The following SLC2A4 variants were observed in gnomAD, a reference collection of about 807,000 sequenced individuals.
The protein encoded by SLC2A4 is solute carrier family 2 member 4.
SLC2A4 carries 31 observed loss-of-function variants against 53.3 expected under a neutral mutation model. The observed-to-expected ratio is 0.58, with a 90% CI of 0.44 to 0.78. The LOEUF is 0.78. SLC2A4 is among the 30% of genes least tolerant of loss of function. The probability of loss-of-function intolerance (pLI) is 0.00; values close to 1 mark genes in which losing one functional copy is unlikely to be tolerated. For synonymous variants in SLC2A4, 276 were observed against 281.9 expected, an observed-to-expected ratio of 0.98 and a Z score of 0.21; for missense variants, 538 against 655.7, an observed-to-expected ratio of 0.82 and a Z score of 1.96.
At position 7,284,412 on chromosome 17, in the gene SLC2A4, C is replaced by T. The variant is rs1250913877; in HGVS notation, c.727+33C>T. 6.2e-7 allele frequency: 1 copy of T among 1,613,972 alleles called. No individual in the cohort carries two copies. The highest frequency in any genetic ancestry group is 8.5e-7 in the Non-Finnish European group (1 of 1,179,982). ...CTCCCGCTGCAGCCTGGCCCAGGCC[C>T]ATGCCTCCGCCTCATCTTGCTAGCA... On this transcript the variant is annotated intron_variant, in intron 6 of 10. Transcript: ENST00000317370. The surrounding 1 kb of genome is among the most constrained non-coding windows in gnomAD (Gnocchi z 7.5).
In SLC2A4 at chr17:7,285,251, CTG is replaced by C. The variant is rs2072439858; in HGVS notation, c.1122+65_1122+66del. ...CCCATGGGAATGGTCCTGTGAGTCT[CTG>C]TGACCAGCCAGGGTCCCTTCTTAAC... On this transcript the variant is annotated intron_variant, in intron 9 of 10. Transcript: ENST00000317370. This position sits in a 1 kb window ranked among gnomAD's most constrained non-coding sequence, Gnocchi z 6.0. 7.4e-7 allele frequency: 1 copy of C among 1,352,580 alleles called. No individual in the cohort carries two copies. Among genetic ancestry groups the C allele is most frequent in the African/African-American group, 1.4e-5 (1 of 70,070 alleles). 83.8% of individuals were successfully genotyped at this position (1,352,580 alleles called of 1,614,324 possible). A position where few individuals can be genotyped will look rare whatever the true frequency, so the allele number is the denominator to read the frequency against.
rs1355608078 is a variant in SLC2A4 at position 7,283,215 on chromosome 17, C to T, written c.34-30C>T. ...GGAAAAAAATCATGGTTCCATGTGA[C>T]ATGCTGTGTCTTTGTGTCTGCCTGT... On this transcript the variant is annotated intron_variant, in intron 1 of 10. Transcript: ENST00000317370. The surrounding 1 kb of genome is among the most constrained non-coding windows in gnomAD (Gnocchi z 5.8). 1.3e-5 allele frequency: 20 copies of T among 1,563,176 alleles called. No individual in the cohort carries two copies. Among genetic ancestry groups the T allele is most frequent in the South Asian group, 1.1e-4 (10 of 90,100 alleles).
rs749893456 is a variant in SLC2A4 at position 7,285,909 on chromosome 17, G to A, written c.1326+1G>A. The A allele has an allele frequency of 1.9e-6, 3 of 1,611,308 alleles. No individual in the cohort carries two copies. The highest frequency in any genetic ancestry group is 1.7e-5 in the Admixed American group (1 of 59,910). ...TGGCATGGGTTTCCAGTATGTTGCG[G>A]TAGGTCCCCCCGCCCCAGCCTCCCA... is the stretch of plus-strand genomic sequence containing the variant. On this transcript the variant is annotated splice_donor_variant, in intron 10 of 10. Coordinates refer to ENST00000317370, the MANE Select transcript of SLC2A4 (RefSeq NM_001042.3). LOFTEE classifies it high-confidence loss of function. This position sits in a 1 kb window ranked among gnomAD's most constrained non-coding sequence, Gnocchi z 6.0.
Position 7,283,524 on chromosome 17 carries a change from G to A in SLC2A4, c.202G>A (p.Gly68Arg), listed in dbSNP as rs1429679424. 7 of 1,613,864 alleles carry A rather than the reference G, an allele frequency of 4.3e-6. No individual in the cohort carries two copies. The highest frequency in any genetic ancestry group is 2.2e-5 in the East Asian group (1 of 44,888). Residue 68 changes from glycine (G) to arginine (R), a missense_variant, in exon 3 of 11, where the codon GGA (glycine) becomes AGA (arginine). Transcript: ENST00000317370. This position sits in a 1 kb window ranked among gnomAD's most constrained non-coding sequence, Gnocchi z 5.8. ...ETWLGRQGPE[G>R]PSSIPPGTLT... ...GTGGCTGGGGAGGCAGGGGCCTGAG[G>A]GACCCAGCTCCATCCCTCCAGGCAC...
Position 7,286,708 on chromosome 17 carries a change from C to T in SLC2A4, c.*79C>T. The T allele has an allele frequency of 8.1e-7, 1 of 1,227,676 alleles. No individual in the cohort carries two copies. 76.0% of individuals were successfully genotyped at this position (1,227,676 alleles called of 1,614,324 possible). A position where few individuals can be genotyped will look rare whatever the true frequency, so the allele number is the denominator to read the frequency against. On this transcript the variant is annotated 3_prime_UTR_variant, in exon 11 of 11. Transcript: ENST00000317370. The stretch of plus-strand genomic sequence containing the variant: ...TTCCTTTCCTCTGCAGCACTTTAAC[C>T]CTCTCTTCCCTATTATTTCCGGGTG...
rs1013973394 is a variant in SLC2A4, at chr17:7,282,462, C to T, written c.33+495C>T. 3 of 453,522 alleles carry T rather than the reference C, an allele frequency of 6.6e-6. No individual in the cohort carries two copies. The highest frequency in any genetic ancestry group is 3.1e-5 in the South Asian group (2 of 64,280). The allele number at this position is 453,522 out of a possible 1,614,324, so 28.1% of individuals were successfully genotyped here. ...GAGGGGCAGAGGGGACTGTCAGCCC[C>T]CCCTCCTCCAGCTCAGGTTTCCGCT... is the stretch of plus-strand genomic sequence containing the variant. On this transcript the variant is annotated intron_variant, in intron 1 of 10. Coordinates refer to ENST00000317370, the MANE Select transcript of SLC2A4 (RefSeq NM_001042.3). This position sits in a 1 kb window ranked among gnomAD's most constrained non-coding sequence, Gnocchi z 4.1.
rs2072439941 is a variant in SLC2A4, at chr17:7,285,263, AG to A, written c.1122+77del. ...GTCCTGTGAGTCTCTGTGACCAGCC[AG>A]GGTCCCTTCTTAACACACATGCTTT... On this transcript the variant is annotated intron_variant, in intron 9 of 10. Coordinates refer to ENST00000317370, the MANE Select transcript of SLC2A4 (RefSeq NM_001042.3). The surrounding 1 kb of genome is among the most constrained non-coding windows in gnomAD (Gnocchi z 6.0). 9 of 1,262,908 alleles carry A rather than the reference AG, an allele frequency of 7.1e-6. No homozygotes were observed. The highest frequency in any genetic ancestry group is 1.0e-5 in the Non-Finnish European group (9 of 892,810). 78.2% of individuals were successfully genotyped at this position (1,262,908 alleles called of 1,614,324 possible).
chr17:7,283,320 C>A lies in SLC2A4; in HGVS notation c.109C>A (p.Gln37Lys). 3 of 1,614,036 alleles carry A rather than the reference C, an allele frequency of 1.9e-6. No individual in the cohort carries two copies. Among genetic ancestry groups the A allele is most frequent in the Non-Finnish European group, 2.5e-6 (3 of 1,180,008 alleles). ...GTTCTCTGCGGTGCTTGGCTCCCTG[C>A]AGTTTGGGTACAACATTGGGGTCAT... ...AVFSAVLGSL[Q>K]FGYNIGVINA... Residue 37 changes from glutamine to lysine, a missense_variant, in exon 2 of 11, where the codon CAG becomes AAG. Physicochemically the swap from Gln to Lys is moderately conservative, Grantham distance 53 (BLOSUM62 1). Coordinates refer to ENST00000317370, the MANE Select transcript of SLC2A4 (RefSeq NM_001042.3). The surrounding 1 kb of genome is among the most constrained non-coding windows in gnomAD (Gnocchi z 5.8).
At position 7,287,780 on chromosome 17, in the gene SLC2A4, GT is replaced by G. The variant is rs2072464800; in HGVS notation, c.*1153del. On this transcript the variant is annotated 3_prime_UTR_variant, in exon 11 of 11. Coordinates refer to ENST00000317370, the MANE Select transcript of SLC2A4 (RefSeq NM_001042.3). ...GATTGAGAGAAGAAACCAAAGGTCG[GT>G]TGTACTAAATGTATATATATAGATA... 6.6e-6 allele frequency: 1 copy of G among 152,202 alleles called. No individual in the cohort carries two copies. The highest frequency in any genetic ancestry group is 2.4e-5 in the African/African-American group (1 of 41,432). 9.4% of individuals were successfully genotyped at this position (152,202 alleles called of 1,614,324 possible).
rs957399766 is a variant in SLC2A4, at chr17:7,282,682, C to G, written c.34-563C>G. Among the ~76,000 whole-genome samples, 2 of 152,240 alleles carry G rather than the reference C, an allele frequency of 1.3e-5. No homozygotes were observed. The highest frequency in any genetic ancestry group is 6.5e-5 in the Admixed American group (1 of 15,284). On this transcript the variant is annotated intron_variant, in intron 1 of 10. Transcript: ENST00000317370. The surrounding 1 kb of genome is among the most constrained non-coding windows in gnomAD (Gnocchi z 4.1). Reference sequence around the variant, plus strand: ...CCCCTAGATGACCGGGATGTCCTTTCTGGAACAGCACTTCTTGGTCCTGTT... The same window carrying G: ...CCCCTAGATGACCGGGATGTCCTTTGTGGAACAGCACTTCTTGGTCCTGTT...
rs2072408699 is a variant in SLC2A4 at position 7,282,261 on chromosome 17, C to T, written c.33+294C>T. On this transcript the variant is annotated intron_variant, in intron 1 of 10. Coordinates refer to ENST00000317370, the MANE Select transcript of SLC2A4 (RefSeq NM_001042.3). The surrounding 1 kb of genome is among the most constrained non-coding windows in gnomAD (Gnocchi z 4.1). ...GCGGCGCTCCGGAATCGGGGACACCCTGCCCTCGATCCGACTCGGGAAAGC... is the reference window on the plus strand; with the variant it reads ...GCGGCGCTCCGGAATCGGGGACACCTTGCCCTCGATCCGACTCGGGAAAGC... The T allele has an allele frequency of 5.1e-6, 3 of 594,014 alleles. No homozygotes were observed. Among genetic ancestry groups the T allele is most frequent in the Non-Finnish European group, 3.1e-6 (1 of 317,898 alleles). The allele number at this position is 594,014 out of a possible 1,614,324, so 36.8% of individuals were successfully genotyped here.
At chr17:7,286,174 A>T in intron 10 of SLC2A4, 1 of 627,008 alleles carries the variant, frequency 1.6e-6, no homozygotes, top group Non-Finnish European at 2.8e-6. Context: ...TACTACAAAC[A>T]GCTGGGACTC....
intron 1 of SLC2A4, 22 bp downstream of exon 1, chr17:7,281,989 C>T (rs754665642): frequency 2.8e-5 from 6 of 215,506 alleles, no homozygotes; most frequent in South Asian, 7.9e-5. Context: ...CATGAGGGGG[C>T]GGGGCGGGGG....
rs1314193245 is a variant in SLC2A4, at chr17:7,287,700, G to C, written c.*1071G>C. 6.6e-6 allele frequency: 1 copy of C among 152,240 alleles called. No homozygotes were observed. The highest frequency in any genetic ancestry group is 1.5e-5 in the Non-Finnish European group (1 of 68,060). The allele number at this position is 152,240 out of a possible 1,614,324, so 9.4% of individuals were successfully genotyped here. A position where few individuals can be genotyped will look rare whatever the true frequency, so the allele number is the denominator to read the frequency against. ...AAAGAGGGGATTTGAAAGGCTGCCT[G>C]GAAACACTGGGCTGGGAGGAGCCTT... is the stretch of plus-strand genomic sequence containing the variant. On this transcript the variant is annotated 3_prime_UTR_variant, in exon 11 of 11. Coordinates refer to ENST00000317370, the MANE Select transcript of SLC2A4 (RefSeq NM_001042.3).
chr17:7,283,465 TC>T lies in SLC2A4; in HGVS notation c.151-3del, dbSNP rs777851368. On this transcript the variant is annotated splice_polypyrimidine_tract_variant and splice_region_variant and intron_variant, in intron 2 of 10. Transcript: ENST00000317370. This position sits in a 1 kb window ranked among gnomAD's most constrained non-coding sequence, Gnocchi z 5.8. The stretch of plus-strand genomic sequence containing the variant: ...TCTGCAGGAAATCTGTCCTCTGCTG[TC>T]CCCCAGGTGATTGAACAGAGCTACA... 1 of 1,612,662 alleles carries T rather than the reference TC, an allele frequency of 6.2e-7. No individual in the cohort carries two copies. Among genetic ancestry groups the T allele is most frequent in the South Asian group, 1.1e-5 (1 of 91,028 alleles).
Position 7,286,962 on chromosome 17 carries a change from T to C in SLC2A4, c.*333T>C, listed in dbSNP as rs1170215083. 6 of 361,692 alleles carry C rather than the reference T, an allele frequency of 1.7e-5. No homozygotes were observed. Among genetic ancestry groups the C allele is most frequent in the South Asian group, 4.6e-5 (2 of 43,394 alleles). The allele number at this position is 361,692 out of a possible 1,614,324, so 22.4% of individuals were successfully genotyped here. A position where few individuals can be genotyped will look rare whatever the true frequency, so the allele number is the denominator to read the frequency against. On this transcript the variant is annotated 3_prime_UTR_variant, in exon 11 of 11. Coordinates refer to ENST00000317370, the MANE Select transcript of SLC2A4 (RefSeq NM_001042.3). ...CTTCTTCGCTGCTAGAGAAGGGGGA[T>C]TGGAGGGAAGACAGGTCTAGACTTT... is the stretch of plus-strand genomic sequence containing the variant.
At position 7,283,265 on chromosome 17, in the gene SLC2A4, G is replaced by T. The variant is rs2072417661; in HGVS notation, c.54G>T (p.Gln18His). The part of the protein sequence containing the change: ...IGSEDGEPPQ[Q>H]RVTGTLVLAV... ...TTCAGGATGGGGAACCCCCTCAGCA[G>T]CGAGTGACTGGGACCCTGGTCCTTG... Residue 18 changes from glutamine (Q) to histidine (H), a missense_variant, in exon 2 of 11, where the codon CAG (glutamine) becomes CAT (histidine). Coordinates refer to ENST00000317370, the MANE Select transcript of SLC2A4 (RefSeq NM_001042.3). The surrounding 1 kb of genome is among the most constrained non-coding windows in gnomAD (Gnocchi z 5.8). 6.2e-7 allele frequency: 1 copy of T among 1,614,014 alleles called. No homozygotes were observed. Among genetic ancestry groups the T allele is most frequent in the Non-Finnish European group, 8.5e-7 (1 of 1,179,976 alleles).
At position 7,287,246 on chromosome 17, in the gene SLC2A4, CGGAG is replaced by C; in HGVS notation, c.*618_*621del. 6.5e-6 allele frequency: 1 copy of C among 154,352 alleles called. No individual in the cohort carries two copies. The highest frequency in any genetic ancestry group is 1.4e-5 in the Non-Finnish European group (1 of 69,670). The allele number at this position is 154,352 out of a possible 1,614,324, so 9.6% of individuals were successfully genotyped here. ...CACGCCATTCTCCTGCCTCAGCCTC[CGGAG>C]TAGCTGGGACTACAGGCGCATGCCA... On this transcript the variant is annotated 3_prime_UTR_variant, in exon 11 of 11. Transcript: ENST00000317370.
chr17:7,287,460 C>T lies in SLC2A4; in HGVS notation c.*831C>T, dbSNP rs2072462118. 6.6e-6 allele frequency: 1 copy of T among 152,278 alleles called. No individual in the cohort carries two copies. Among genetic ancestry groups the T allele is most frequent in the African/African-American group, 2.4e-5 (1 of 41,450 alleles). The allele number at this position is 152,278 out of a possible 1,614,324, so 9.4% of individuals were successfully genotyped here. A position where few individuals can be genotyped will look rare whatever the true frequency, so the allele number is the denominator to read the frequency against. ...CTCTTGACCCCTGCAGGGAAAAGGA[C>T]TCACCTCCCTCACTGCAGGCTCAGC... On this transcript the variant is annotated 3_prime_UTR_variant, in exon 11 of 11. Coordinates refer to ENST00000317370, the MANE Select transcript of SLC2A4 (RefSeq NM_001042.3).
Sources: allele counts gnomAD v4.1 joint callset (sites outside exome capture counted in the v4.1 genomes callset), GRCh38; gene constraint gnomAD v4.1.1; non-coding constraint Gnocchi (gnomAD v3.1); transcripts MANE v1.5; gene names NCBI Gene and HGNC (gene_info 2026-07-23, HGNC 2026-07-21).